Variants in TEX19 observed in about 807,000 individuals in gnomAD.
TEX19 encodes testis expressed 19.
For missense variants in TEX19, 184 were observed against 194.4 expected (o/e 0.95, Z 0.32); for synonymous variants, 77 against 73.9 (o/e 1.04, Z -0.21).
At chr17:82,360,676 T>G (rs2052380399) in intron 1 of TEX19, among the ~76,000 whole-genome samples, 1 of 134,928 alleles carries the variant, frequency 7.4e-6, no homozygotes, top group Non-Finnish European at 1.6e-5. Flanking sequence ...TTCCCTCAAG[T>G]TTCCCTCAGG....
Position 82,362,676 on chromosome 17 carries a change from G to T in TEX19, c.*31G>T. 1 of 1,521,590 alleles carries T rather than the reference G, an allele frequency of 6.6e-7. No homozygotes were observed. The highest frequency in any genetic ancestry group is 1.3e-5 in the South Asian group (1 of 75,036). 94.3% of individuals were successfully genotyped at this position (1,521,590 alleles called of 1,614,324 possible). On this transcript the variant is annotated 3_prime_UTR_variant, in exon 2 of 2. Coordinates refer to ENST00000333437, the MANE Select transcript of TEX19 (RefSeq NM_207459.4). This position sits in a 1 kb window ranked among gnomAD's most constrained non-coding sequence, Gnocchi z 5.5. ...GTTTCTCAAAGTGGACCTGCCCCCA[G>T]GGGAGCCCGTGGTGTTGAAGCTGGG...
chr17:82,359,991 T>C (rs1185991821), intron 1 of TEX19, among the ~76,000 whole-genome samples: 2 of 80,552 alleles, frequency 2.5e-5, no homozygotes, highest in African/African-American at 5.5e-5. Flanking sequence ...CCCTCAAGTT[T>C]CCCTCAGGTT....
At chr17:82,359,690 AAGTTTCCCTCAGTTTCCCCC>A (rs2052362404) in intron 1 of TEX19, among the ~76,000 whole-genome samples, 1 of 106,564 alleles carries the variant, frequency 9.4e-6, no homozygotes, top group African/African-American at 3.8e-5. Context: ...AGTTTCCCTC[AAGTTTCCCTCAGTTTCCCCC>A]AGTTTCCCTC....
At position 82,362,403 on chromosome 17, in the gene TEX19, C is replaced by G; in HGVS notation, c.253C>G (p.Gln85Glu). The change falls in exon 2 of 2, where the codon CAG (glutamine) becomes GAG (glutamate). Residue 85 changes from glutamine to glutamate, a missense_variant. By Grantham distance (29) the Gln-to-Glu change is conservative. Transcript: ENST00000333437. The surrounding 1 kb of genome is among the most constrained non-coding windows in gnomAD (Gnocchi z 5.5). ...CTCAGGGATGGAGCTGAGCTGGGGG[C>G]AGAGCCCAGGACAGCCTGTGCAGGG... ...GSSGMELSWGQSPGQPVQGGS... is the reference protein window; with the variant it reads ...GSSGMELSWGESPGQPVQGGS... 1 of 1,613,148 alleles carries G rather than the reference C, an allele frequency of 6.2e-7. No individual in the cohort carries two copies. The highest frequency in any genetic ancestry group is 8.5e-7 in the Non-Finnish European group (1 of 1,179,994).
At chr17:82,360,706 G>T (rs1359844007) in intron 1 of TEX19, among the ~76,000 whole-genome samples, 1 of 107,106 alleles carries the variant, frequency 9.3e-6, no homozygotes, top group Non-Finnish European at 1.9e-5. Flanking sequence ...TTTCCCTCAG[G>T]TTCCCTCAGT....
Position 82,362,135 on chromosome 17 carries a change from G to A in TEX19, c.-16G>A. 6.3e-7 allele frequency: 1 copy of A among 1,587,564 alleles called. No homozygotes were observed. On this transcript the variant is annotated 5_prime_UTR_variant, in exon 2 of 2. Coordinates refer to ENST00000333437, the MANE Select transcript of TEX19 (RefSeq NM_207459.4). The surrounding 1 kb of genome is among the most constrained non-coding windows in gnomAD (Gnocchi z 5.5). ...GCTCTTGCTGTCCACCCCGGCAGTA[G>A]GCAGGCAGCCTGGCCATGTGCCCTC...
intron 1 of TEX19, among the ~76,000 whole-genome samples, chr17:82,360,184 C>T (rs1174581564): frequency 1.5e-5 from 1 of 66,614 alleles, no homozygotes; most frequent in African/African-American, 6.6e-5. Flanking sequence ...CCCTCAGGTT[C>T]CCCCAGTTTC....
At chr17:82,361,461 T>G (rs1216122577) in intron 1 of TEX19, among the ~76,000 whole-genome samples, 5 of 142,304 alleles carry the variant, frequency 3.5e-5, no homozygotes, top group Non-Finnish European at 6.1e-5. Flanking sequence ...TTCCCTCAGG[T>G]TCCCTCAGTT....
Position 82,363,742 on chromosome 17 carries a change from T to A in TEX19, c.*1097T>A, listed in dbSNP as rs2052413736. ...ATTCCTGTTGCTCTATATGTTGTTTTTAATTTTAAAAAGTCATAAAAGCTT... is the reference window on the plus strand; with the variant it reads ...ATTCCTGTTGCTCTATATGTTGTTTATAATTTTAAAAAGTCATAAAAGCTT... On this transcript the variant is annotated 3_prime_UTR_variant, in exon 2 of 2. Coordinates refer to ENST00000333437, the MANE Select transcript of TEX19 (RefSeq NM_207459.4). The A allele has an allele frequency of 6.0e-6, 1 of 166,936 alleles. No homozygotes were observed. The highest frequency in any genetic ancestry group is 6.5e-5 in the Admixed American group (1 of 15,276). The allele number at this position is 166,936 out of a possible 1,614,324, so 10.3% of individuals were successfully genotyped here. A position where few individuals can be genotyped will look rare whatever the true frequency, so the allele number is the denominator to read the frequency against.
chr17:82,361,686 G>C, intron 1 of TEX19, 194 bp from the exon 2 acceptor site: 1 of 985,376 alleles, frequency 1.0e-6, no homozygotes, highest in Non-Finnish European at 1.2e-6. Context: ...CTGAGGTGTA[G>C]GGGGTGGCTG....
intron 1 of TEX19, 31 bp from the exon 2 acceptor site, chr17:82,361,849 G>C: frequency 1.1e-6 from 1 of 929,554 alleles, no homozygotes; most frequent in South Asian, 2.7e-5. Context: ...CCTGCTGGGG[G>C]TGCCTAACCT....
At position 82,362,312 on chromosome 17, in the gene TEX19, G is replaced by T; in HGVS notation, c.162G>T (p.Trp54Cys). 1 of 1,613,986 alleles carries T rather than the reference G, an allele frequency of 6.2e-7. No homozygotes were observed. The highest frequency in any genetic ancestry group is 1.1e-5 in the South Asian group (1 of 91,086). Residue 54 changes from tryptophan (W) to cysteine (C), a missense_variant, in exon 2 of 2, where the codon TGG (tryptophan) becomes TGT (cysteine). By Grantham distance (215) the Trp-to-Cys change is radical. Transcript: ENST00000333437. This position sits in a 1 kb window ranked among gnomAD's most constrained non-coding sequence, Gnocchi z 5.5. ...DFKDLLESED[W>C]EEDNWDPELM... ...AAGACTTGCTGGAGTCAGAGGACTG[G>T]GAAGAAGACAACTGGGACCCTGAGC...
intron 1 of TEX19, among the ~76,000 whole-genome samples, chr17:82,359,860 C>T (rs1228363186): frequency 6.8e-5 from 10 of 146,366 alleles, no homozygotes; most frequent in African/African-American, 2.5e-4. Flanking sequence ...CCTCAGGTTC[C>T]CCCAGTTTCC....
In TEX19 at chr17:82,363,309, T is replaced by G. The variant is rs2052410915; in HGVS notation, c.*664T>G. ...TGTTCCACAACAGCCAGGGGAGCAGTTGGCAAAGGAAACATGGGGAGCAAC... is the reference window on the plus strand; with the variant it reads ...TGTTCCACAACAGCCAGGGGAGCAGGTGGCAAAGGAAACATGGGGAGCAAC... On this transcript the variant is annotated 3_prime_UTR_variant, in exon 2 of 2. Coordinates refer to ENST00000333437, the MANE Select transcript of TEX19 (RefSeq NM_207459.4). The G allele has an allele frequency of 6.0e-6, 1 of 167,000 alleles. No individual in the cohort carries two copies. The highest frequency in any genetic ancestry group is 2.4e-5 in the African/African-American group (1 of 41,424). The allele number at this position is 167,000 out of a possible 1,614,324, so 10.3% of individuals were successfully genotyped here.
In TEX19 at chr17:82,362,465, A is replaced by C; in HGVS notation, c.315A>C (p.Ala105=). 1 of 1,612,816 alleles carries C rather than the reference A, an allele frequency of 6.2e-7. No homozygotes were observed. Among genetic ancestry groups the C allele is most frequent in the Non-Finnish European group, 8.5e-7 (1 of 1,179,858 alleles). ...CATGGGGGCCAGGGACCCTGGCAGC[A>C]GCCCCAGAAGGGTTGGAAGATGCAG... ...SEAWGPGTLA[A]APEGLEDAGL... Residue 105 remains alanine, a synonymous_variant, in exon 2 of 2, where the codon GCA becomes GCC. Transcript: ENST00000333437. The surrounding 1 kb of genome is among the most constrained non-coding windows in gnomAD (Gnocchi z 5.5).
chr17:82,361,871 C>A lies in TEX19; in HGVS notation c.-271-9C>A. ...GGGGTGCCTAACCTCCCTTCCTTTGCCTTTCCAGCTCTCCTGAGACCACAG... is the reference window on the plus strand; with the variant it reads ...GGGGTGCCTAACCTCCCTTCCTTTGACTTTCCAGCTCTCCTGAGACCACAG... On this transcript the variant is annotated splice_polypyrimidine_tract_variant and intron_variant, in intron 1 of 1. Coordinates refer to ENST00000333437, the MANE Select transcript of TEX19 (RefSeq NM_207459.4). 1 of 796,976 alleles carries A rather than the reference C, an allele frequency of 1.3e-6. No homozygotes were observed. The highest frequency in any genetic ancestry group is 1.7e-6 in the Non-Finnish European group (1 of 584,352). The allele number at this position is 796,976 out of a possible 1,614,324, so 49.4% of individuals were successfully genotyped here.
chr17:82,359,954 CCAGTTTCCCTCAGGTTCCCT>C (rs2052368480), intron 1 of TEX19, among the ~76,000 whole-genome samples: 1 of 120,584 alleles, frequency 8.3e-6, no homozygotes, highest in Admixed American at 7.9e-5. Context: ...TCAGGTTCCC[CCAGTTTCCCTCAGGTTCCCT>C]CAGTTTCCCT....
chr17:82,361,993 T>G lies in TEX19; in HGVS notation c.-158T>G. On this transcript the variant is annotated 5_prime_UTR_variant, in exon 2 of 2. Coordinates refer to ENST00000333437, the MANE Select transcript of TEX19 (RefSeq NM_207459.4). ...CCCAGGTCATCCACCCCACCCCAAA[T>G]CCCTGGATAGGAAACCCCTTTCTCC... The G allele has an allele frequency of 9.7e-7, 1 of 1,031,564 alleles. No homozygotes were observed. The highest frequency in any genetic ancestry group is 1.6e-5 in the African/African-American group (1 of 62,428). 63.9% of individuals were successfully genotyped at this position (1,031,564 alleles called of 1,614,324 possible). A position where few individuals can be genotyped will look rare whatever the true frequency, so the allele number is the denominator to read the frequency against.
At chr17:82,361,843 C>CAGGG in intron 1 of TEX19, 37 bp from the exon 2 acceptor site, 8 of 949,280 alleles carry the variant, frequency 8.4e-6, no homozygotes, top group Non-Finnish European at 1.1e-5. Context: ...ACCCTGCCTG[C>CAGGG]TGGGGGTGCC....
Sources: allele counts gnomAD v4.1 joint callset (sites outside exome capture counted in the v4.1 genomes callset), GRCh38; gene constraint gnomAD v4.1.1; non-coding constraint Gnocchi (gnomAD v3.1); transcripts MANE v1.5; gene names NCBI Gene and HGNC (gene_info 2026-07-23, HGNC 2026-07-21).